Variants in UGT1A9 observed in about 807,000 individuals in gnomAD.
UGT1A9 encodes the protein UDP glucuronosyltransferase family 1 member A9, also known as UDP-glucuronosyltransferase 1A9.
A neutral mutation model predicts 45.0 loss-of-function variants in UGT1A9; 35 were observed. That is an observed-to-expected ratio of 0.78 (90% confidence interval 0.59 to 1.03). The LOEUF (loss-of-function observed/expected upper bound fraction) is 1.03, where lower values mean the gene tolerates loss of function less well. UGT1A9 is among the 50% of genes least tolerant of loss of function. UGT1A9 has a pLI of 0.00. For synonymous variants in UGT1A9, 278 were observed against 250.6 expected (o/e 1.11, Z -1.03); for missense variants, 687 against 666.6 (o/e 1.03, Z -0.34).
chr2:233,732,094 T>C (rs1575595970), intron 1 of UGT1A9, among the ~76,000 whole-genome samples: 2 of 152,276 alleles, frequency 1.3e-5, no homozygotes, highest in South Asian at 2.1e-4. Flanking sequence ...TTTTGAGAAG[T>C]GTCTGTTCAT....
chr2:233,754,382 CAG>C (rs1431576597), intron 1 of UGT1A9: 1 of 288,696 alleles, frequency 3.5e-6, no homozygotes, highest in African/African-American at 2.2e-5. Flanking sequence ...GAAAGACAAA[CAG>C]AGGTCCTATC....
chr2:233,683,038 T>A (rs1300637615), intron 1 of UGT1A9, among the ~76,000 whole-genome samples: 1 of 152,184 alleles, frequency 6.6e-6, no homozygotes, highest in Non-Finnish European at 1.5e-5. Context: ...CTAAATGCTA[T>A]TTTTGGAAAA....
intron 1 of UGT1A9, chr2:233,717,692 T>TTC: frequency 2.3e-6 from 1 of 443,544 alleles, no homozygotes; most frequent in Non-Finnish European, 4.6e-6. Context: ...AGGAGTGACT[T>TTC]TCTGGAGCAG....
chr2:233,769,644 G>T lies in UGT1A9; in HGVS notation c.1295+1205G>T. The T allele has an allele frequency of 1.2e-6, 2 of 1,608,952 alleles. No homozygotes were observed. Among genetic ancestry groups the T allele is most frequent in the South Asian group, 2.2e-5 (2 of 90,446 alleles). On this transcript the variant is annotated intron_variant, in intron 4 of 4. Transcript: ENST00000354728. This position sits in a 1 kb window ranked among gnomAD's most constrained non-coding sequence, Gnocchi z 4.4. The stretch of plus-strand genomic sequence containing the variant: ...CAAGGGACAACAGGGGAGGACTGAT[G>T]ACTGACTTCCCACCTTTGAGGTGCT...
At chr2:233,693,955 G>A (rs2075191265) in intron 1 of UGT1A9, 1 of 1,586,932 alleles carries the variant, frequency 6.3e-7, no homozygotes, top group Admixed American at 1.8e-5. Flanking sequence ...ACTGTCCCTT[G>A]GAGGATTTCC....
At chr2:233,673,888 T>C (rs894108920) in intron 1 of UGT1A9, among the ~76,000 whole-genome samples, 2 of 152,234 alleles carry the variant, frequency 1.3e-5, no homozygotes, top group African/African-American at 4.8e-5. Context: ...CTGATATTTA[T>C]ACCACTTATT....
chr2:233,749,542 G>C (rs531548646), intron 1 of UGT1A9, among the ~76,000 whole-genome samples: 1 of 151,958 alleles, frequency 6.6e-6, no homozygotes, highest in Non-Finnish European at 1.5e-5. Flanking sequence ...GTGTGGTAAA[G>C]AACAGGCTAA....
At chr2:233,683,949 A>G (rs2074657322) in intron 1 of UGT1A9, among the ~76,000 whole-genome samples, 2 of 152,204 alleles carry the variant, frequency 1.3e-5, no homozygotes, top group Non-Finnish European at 2.9e-5. Flanking sequence ...TGGTCTAGCC[A>G]GCTTAAATTA....
chr2:233,772,912 C>A lies in UGT1A9; in HGVS notation c.*353C>A. 2.6e-6 allele frequency: 1 copy of A among 388,966 alleles called. No individual in the cohort carries two copies. The highest frequency in any genetic ancestry group is 4.5e-6 in the Non-Finnish European group (1 of 221,770). The allele number at this position is 388,966 out of a possible 1,614,324, so 24.1% of individuals were successfully genotyped here. ...GGTGGTCCCACGGCTGCCCCTACTGCAAATGGCAGTTTTAATCTTATCTTT... is the reference window on the plus strand; with the variant it reads ...GGTGGTCCCACGGCTGCCCCTACTGAAAATGGCAGTTTTAATCTTATCTTT... On this transcript the variant is annotated 3_prime_UTR_variant, in exon 5 of 5. Coordinates refer to ENST00000354728, the MANE Select transcript of UGT1A9 (RefSeq NM_021027.3).
intron 1 of UGT1A9, among the ~76,000 whole-genome samples, chr2:233,761,962 G>T (rs1257423083): frequency 6.6e-6 from 1 of 152,228 alleles, no homozygotes; most frequent in Non-Finnish European, 1.5e-5. Context: ...CCATTAAGGG[G>T]ACTGATATCA....
At chr2:233,731,491 G>A (rs1443900018) in intron 1 of UGT1A9, among the ~76,000 whole-genome samples, 2 of 152,026 alleles carry the variant, frequency 1.3e-5, no homozygotes, top group Non-Finnish European at 2.9e-5. Flanking sequence ...TGTGTCCAGT[G>A]TTCTTGCTGT....
rs576537163 is a variant in UGT1A9 at position 233,710,782 on chromosome 2, G to A, written c.855+37993G>A. On this transcript the variant is annotated intron_variant, in intron 1 of 4. Transcript: ENST00000354728. Reference sequence around the variant, plus strand: ...TTTGATTAAGTCAATTTTAGCAAACGTTTTGTGTTTTGTACCCCTCGTGCC... The same window carrying A: ...TTTGATTAAGTCAATTTTAGCAAACATTTTGTGTTTTGTACCCCTCGTGCC... Among the ~76,000 whole-genome samples the A allele has an allele frequency of 3.3e-5, 5 of 152,292 alleles. No individual in the cohort carries two copies. In the South Asian group the frequency reaches 8.3e-4, roughly 25 times the overall value.
intron 1 of UGT1A9, among the ~76,000 whole-genome samples, chr2:233,719,880 G>A (rs28898611): frequency 2.0e-5 from 3 of 152,144 alleles, no homozygotes; most frequent in Non-Finnish European, 4.4e-5. Flanking sequence ...GAAGAGGCAC[G>A]GATGAGGGTC....
intron 1 of UGT1A9, chr2:233,747,528 T>C: frequency 6.2e-7 from 1 of 1,605,898 alleles, no homozygotes; most frequent in Non-Finnish European, 8.5e-7. Context: ...AACAGAACAT[T>C]TTCTGAAGAC....
At chr2:233,749,106 G>A (rs2125896769) in intron 1 of UGT1A9, among the ~76,000 whole-genome samples, 1 of 151,816 alleles carries the variant, frequency 6.6e-6, no homozygotes, top group Admixed American at 6.5e-5. Context: ...AGAGAATTCA[G>A]CCTTTTTATG....
chr2:233,718,979 C>T (rs143900667), intron 1 of UGT1A9: 39 of 1,614,108 alleles, frequency 2.4e-5, no homozygotes, highest in Non-Finnish European at 3.2e-5. Flanking sequence ...AGCTCCATGC[C>T]AGAGGCCACC....
intron 1 of UGT1A9, among the ~76,000 whole-genome samples, chr2:233,727,384 C>T (rs1032238584): frequency 4.6e-5 from 7 of 152,144 alleles, no homozygotes; most frequent in Admixed American, 1.3e-4. Flanking sequence ...TGGAGTACCA[C>T]CGTCTTCCAA....
chr2:233,755,135 T>C, intron 1 of UGT1A9: 2 of 1,315,650 alleles, frequency 1.5e-6, no homozygotes, highest in Non-Finnish European at 2.1e-6. Context: ...CCTGCTTGAA[T>C]CTTCTCACCG....
intron 1 of UGT1A9, chr2:233,730,098 T>G: frequency 6.3e-7 from 1 of 1,586,492 alleles, no homozygotes; most frequent in East Asian, 2.3e-5. Flanking sequence ...TTCCAAATAT[T>G]TCATTTCTGC....
Sources: gnomAD v4.1 joint callset for allele counts (sites outside exome capture counted in the v4.1 genomes callset) on GRCh38, gnomAD v4.1.1 for gene constraint, Gnocchi (gnomAD v3.1) non-coding constraint, MANE v1.5 for transcripts, NCBI Gene and HGNC (gene_info 2026-07-23, HGNC 2026-07-21) for gene names.